The following STYK1 variants were observed in gnomAD, a reference collection of about 807,000 sequenced individuals.
The protein encoded by STYK1 is tyrosine-protein kinase STYK1.
In STYK1, 46 loss-of-function variants were observed where a neutral mutation model predicts 48.1. The ratio of observed to expected loss-of-function variants is 0.96; its 90% CI spans 0.75 to 1.22. The LOEUF is 1.22. Ranked by LOEUF, STYK1 falls within the 50% of genes most tolerant of loss-of-function variation. STYK1 has a pLI of 0.00. For missense variants in STYK1, 527 were observed against 521.1 expected, an observed-to-expected ratio of 1.01 and a Z score of -0.11; for synonymous variants, 188 against 189.0, an observed-to-expected ratio of 0.99 and a Z score of 0.04.
chr12:10,657,113 AG>A (rs1947727809), intron 1 of STYK1, among the ~76,000 whole-genome samples: 1 of 152,168 alleles, frequency 6.6e-6, no homozygotes, highest in Non-Finnish European at 1.5e-5. Context: ...GTTCCATAGG[AG>A]GTGGGCTGAT....
rs1054153091 is a variant in STYK1, at chr12:10,672,999, T to C, written c.-195+967A>G. ...GCACATTACAGTAACTCGACTCCTT[T>C]ATTGCCACTACTTCCCACCGAGTGG... On this transcript the variant is annotated intron_variant, in intron 1 of 10. Transcript: ENST00000075503. This position sits in a 1 kb window ranked among gnomAD's most constrained non-coding sequence, Gnocchi z 4.0. Among the ~76,000 whole-genome samples the C allele has an allele frequency of 4.1e-4, 63 of 152,198 alleles. No homozygotes were observed. Among genetic ancestry groups the C allele is most frequent in the African/African-American group, 1.4e-3 (60 of 41,512 alleles).
At chr12:10,659,083 C>T (rs891083551) in intron 1 of STYK1, among the ~76,000 whole-genome samples, 6 of 152,146 alleles carry the variant, frequency 3.9e-5, no homozygotes, top group Non-Finnish European at 5.9e-5. Context: ...ATGATTCTCA[C>T]GGAGAGCTGA....
chr12:10,624,966 C>T (rs1188698275), intron 7 of STYK1, 107 bp from the exon 8 acceptor site: 5 of 914,840 alleles, frequency 5.5e-6, no homozygotes, highest in East Asian at 2.4e-5. Flanking sequence ...ACATTTTCTA[C>T]TCTGAACAAG....
chr12:10,647,153 C>T (rs549962289), intron 1 of STYK1, among the ~76,000 whole-genome samples: 14 of 152,244 alleles, frequency 9.2e-5, no homozygotes, highest in South Asian at 2.1e-4. Context: ...TCCTCCAAAA[C>T]CCAGAATGGT....
intron 5 of STYK1, among the ~76,000 whole-genome samples, chr12:10,630,367 A>G (rs1277089901): frequency 7.1e-6 from 1 of 140,316 alleles, no homozygotes; most frequent in African/African-American, 2.6e-5. Context: ...GCCTGGTGAC[A>G]AGAGCAACAC....
chr12:10,630,088 A>AGG (rs1947408055), intron 5 of STYK1, among the ~76,000 whole-genome samples: 1 of 117,312 alleles, frequency 8.5e-6, no homozygotes, highest in African/African-American at 3.0e-5. Flanking sequence ...AGAGAGAGAG[A>AGG]GAGAAATATA....
At chr12:10,638,404 T>C (rs549877823) in intron 1 of STYK1, among the ~76,000 whole-genome samples, 1 of 152,250 alleles carries the variant, frequency 6.6e-6, no homozygotes, top group Admixed American at 6.5e-5. Flanking sequence ...ATGAAGGAGA[T>C]ACAAAAGGGA....
intron 1 of STYK1, among the ~76,000 whole-genome samples, chr12:10,669,603 C>T (rs1278814953): frequency 2.1e-4 from 32 of 151,954 alleles, no homozygotes; most frequent in Non-Finnish European, 4.4e-4. Context: ...CCCAAAAGCA[C>T]AGGCAACAAA....
chr12:10,634,978 G>A (rs1051744052), intron 2 of STYK1, among the ~76,000 whole-genome samples: 1 of 151,982 alleles, frequency 6.6e-6, no homozygotes, highest in Non-Finnish European at 1.5e-5. Context: ...CCTCCCACCC[G>A]AGACTTCTGC....
At chr12:10,664,054 C>G (rs958738740) in intron 1 of STYK1, among the ~76,000 whole-genome samples, 57 of 152,164 alleles carry the variant, frequency 3.7e-4, no homozygotes, top group African/African-American at 1.4e-3. Context: ...ACAGGTCGGG[C>G]AACAAATGCC....
At chr12:10,651,974 C>T (rs1009981927) in intron 1 of STYK1, among the ~76,000 whole-genome samples, 3 of 152,110 alleles carry the variant, frequency 2.0e-5, no homozygotes, top group African/African-American at 4.8e-5. Flanking sequence ...GCTCTAACAA[C>T]GAAGACTTAA....
At chr12:10,644,900 T>C (rs1041236862) in intron 1 of STYK1, among the ~76,000 whole-genome samples, 1 of 151,644 alleles carries the variant, frequency 6.6e-6, no homozygotes, top group Non-Finnish European at 1.5e-5. Context: ...TTAGATAATA[T>C]TGAAAGCTTG....
intron 2 of STYK1, among the ~76,000 whole-genome samples, chr12:10,635,519 G>A (rs763414836): frequency 4.6e-5 from 7 of 152,140 alleles, no homozygotes; most frequent in Non-Finnish European, 8.8e-5. Context: ...GACACTCATT[G>A]CTACAAGGAT....
intron 1 of STYK1, among the ~76,000 whole-genome samples, chr12:10,646,246 A>C (rs992479704): frequency 1.3e-5 from 2 of 152,204 alleles, no homozygotes; most frequent in Non-Finnish European, 2.9e-5. Context: ...AATTCCCTAG[A>C]GACTTGTTGA....
At chr12:10,633,464 C>G (rs987436717) in intron 4 of STYK1, among the ~76,000 whole-genome samples, 1 of 151,924 alleles carries the variant, frequency 6.6e-6, no homozygotes, top group African/African-American at 2.4e-5. Flanking sequence ...TTCTTTTTAC[C>G]CTGAGTTTCA....
chr12:10,649,371 C>T (rs1426782640), intron 1 of STYK1, among the ~76,000 whole-genome samples: 1 of 152,090 alleles, frequency 6.6e-6, no homozygotes, highest in Admixed American at 6.5e-5. Context: ...TATTTTTATA[C>T]AGTTGGACCA....
At chr12:10,661,451 G>A (rs1164937630) in intron 1 of STYK1, among the ~76,000 whole-genome samples, 1 of 152,176 alleles carries the variant, frequency 6.6e-6, no homozygotes, top group African/African-American at 2.4e-5. Context: ...TAAACCAAGT[G>A]AAGCAATCTG....
At chr12:10,654,740 GC>G (rs1176788395) in intron 1 of STYK1, among the ~76,000 whole-genome samples, 1 of 152,150 alleles carries the variant, frequency 6.6e-6, no homozygotes, top group East Asian at 1.9e-4. Context: ...GGGATTAGAG[GC>G]CCCTCTCAGT....
At chr12:10,631,967 T>C (rs187465735) in intron 4 of STYK1, among the ~76,000 whole-genome samples, 1 of 152,270 alleles carries the variant, frequency 6.6e-6, no homozygotes, top group African/African-American at 2.4e-5. Flanking sequence ...ACAGGAAAAG[T>C]CCAGATTCAC....
Sources: allele counts gnomAD v4.1 joint callset (sites outside exome capture counted in the v4.1 genomes callset), GRCh38; gene constraint gnomAD v4.1.1; non-coding constraint Gnocchi (gnomAD v3.1); transcripts MANE v1.5; gene names NCBI Gene and HGNC (gene_info 2026-07-23, HGNC 2026-07-21).